Variants in ATP6V1A observed in about 807,000 individuals in gnomAD.
ATP6V1A encodes V-type proton ATPase catalytic subunit A.
Under a neutral mutation model 70.1 loss-of-function variants are expected in ATP6V1A, and 18 were observed. The observed-to-expected ratio is 0.26, with a 90% CI of 0.18 to 0.38. The LOEUF (loss-of-function observed/expected upper bound fraction) is 0.38, where lower values mean the gene tolerates loss of function less well. Among genes scored for constraint, ATP6V1A ranks in the 10% least tolerant of loss-of-function variants. The probability of loss-of-function intolerance (pLI) is 1.00; values close to 1 mark genes in which losing one functional copy is unlikely to be tolerated. For missense variants in ATP6V1A, 424 were observed against 772.4 expected (o/e 0.55, Z 5.35); for synonymous variants, 232 against 253.8 (o/e 0.91, Z 0.82).
chr3:113,798,537 C>A, intron 12 of ATP6V1A, 91 bp downstream of exon 12: 2 of 1,070,448 alleles, frequency 1.9e-6, no homozygotes, highest in Non-Finnish European at 2.6e-6. Context: ...CAGATTCTTG[C>A]CTAGCAAAAT....
chr3:113,786,179 G>A lies in ATP6V1A; in HGVS notation c.565-53G>A, dbSNP rs551802848. ...AGAATCGGGTTACTTTGATTTTGAA[G>A]GAAGAAATGTTCACAAATTTGACCA... On this transcript the variant is annotated intron_variant, in intron 5 of 14. Coordinates refer to ENST00000273398, the MANE Select transcript of ATP6V1A (RefSeq NM_001690.4). The A allele has an allele frequency of 5.3e-6, 8 of 1,497,946 alleles. 1 individual carries two copies. The Admixed American group carries it at 1.5e-4, about 28-fold the overall frequency. 92.8% of individuals were successfully genotyped at this position (1,497,946 alleles called of 1,614,324 possible). A position where few individuals can be genotyped will look rare whatever the true frequency, so the allele number is the denominator to read the frequency against.
At chr3:113,803,549 A>C (rs375780674) in intron 12 of ATP6V1A, 34 bp from the exon 13 acceptor site, 6 of 1,469,508 alleles carry the variant, frequency 4.1e-6, no homozygotes, top group Non-Finnish European at 5.7e-6. Flanking sequence ...TACATTTTAG[A>C]GTAAATGTCT....
At chr3:113,802,475 C>T (rs1188826127) in intron 12 of ATP6V1A, among the ~76,000 whole-genome samples, 3 of 151,722 alleles carry the variant, frequency 2.0e-5, no homozygotes, top group Admixed American at 6.6e-5. Flanking sequence ...GGACTACAGG[C>T]GCCCTACCAC....
At position 113,788,646 on chromosome 3, in the gene ATP6V1A, GC is replaced by G. The variant is rs1359346296; in HGVS notation, c.717-63del. On this transcript the variant is annotated intron_variant, in intron 6 of 14. Transcript: ENST00000273398. ...TTACAGGCGTGAGCCACCGCGCCCG[GC>G]CCCTACTTTATTTATTAATATCTAT... 5.3e-6 allele frequency: 8 copies of G among 1,518,976 alleles called. No homozygotes were observed. The East Asian group carries it at 9.2e-5, about 17-fold the overall frequency. The allele number at this position is 1,518,976 out of a possible 1,614,324, so 94.1% of individuals were successfully genotyped here.
At chr3:113,808,191 G>T (rs1709299906) in intron 14 of ATP6V1A, among the ~76,000 whole-genome samples, 1 of 150,876 alleles carries the variant, frequency 6.6e-6, no homozygotes, top group South Asian at 2.1e-4. Flanking sequence ...GGACAACCAT[G>T]TAGTTGTGTG....
chr3:113,754,907 C>T (rs13070720), intron 1 of ATP6V1A, among the ~76,000 whole-genome samples: 55,197 of 152,086 alleles, frequency 0.36, 10,088 homozygotes, highest in African/African-American at 0.41. Flanking sequence ...AAAGCCTAGA[C>T]AGAAAATAGC....
intron 1 of ATP6V1A, among the ~76,000 whole-genome samples, chr3:113,766,592 G>T (rs113680619): frequency 6.2e-4 from 94 of 152,260 alleles, no homozygotes; most frequent in African/African-American, 2.2e-3. Context: ...ACTGCATCCA[G>T]CTCAGAGATC....
intron 13 of ATP6V1A, among the ~76,000 whole-genome samples, chr3:113,804,828 G>A (rs553521067): frequency 6.6e-6 from 1 of 152,296 alleles, no homozygotes; most frequent in African/African-American, 2.4e-5. Context: ...ATTTGTTCAC[G>A]TGTCTGTTAT....
chr3:113,796,933 GT>G (rs910301727), intron 11 of ATP6V1A, among the ~76,000 whole-genome samples: 1 of 152,160 alleles, frequency 6.6e-6, no homozygotes, highest in Non-Finnish European at 1.5e-5. Flanking sequence ...ACACTTAGAT[GT>G]TTTTGTTTTG....
intron 1 of ATP6V1A, among the ~76,000 whole-genome samples, chr3:113,755,535 A>G (rs541347260): frequency 1.6e-4 from 25 of 152,156 alleles, no homozygotes; most frequent in African/African-American, 5.3e-4. Context: ...TGGGAGGCAG[A>G]GGTTGCAGTG....
At chr3:113,759,876 A>T (rs1708683233) in intron 1 of ATP6V1A, among the ~76,000 whole-genome samples, 1 of 152,182 alleles carries the variant, frequency 6.6e-6, no homozygotes, top group African/African-American at 2.4e-5. Context: ...ATTTTACTGG[A>T]TAATTGGGGT....
In ATP6V1A at chr3:113,798,228, GT is replaced by G. The variant is rs538710134; in HGVS notation, c.1291-7del. 2 of 1,610,078 alleles carry G rather than the reference GT, an allele frequency of 1.2e-6. No individual in the cohort carries two copies. Among genetic ancestry groups the G allele is most frequent in the Admixed American group, 1.7e-5 (1 of 59,888 alleles). On this transcript the variant is annotated splice_polypyrimidine_tract_variant and intron_variant, in intron 11 of 14. Coordinates refer to ENST00000273398, the MANE Select transcript of ATP6V1A (RefSeq NM_001690.4). ...GAAAAATTACTGTTTTTGTGTGTGT[GT>G]TTTTTTTAATCAGGTGTTCTGGGGC...
chr3:113,799,538 C>T (rs1709186606), intron 12 of ATP6V1A, among the ~76,000 whole-genome samples: 1 of 152,130 alleles, frequency 6.6e-6, no homozygotes, highest in South Asian at 2.1e-4. Context: ...CTAATCTCAT[C>T]ACTGTGTTCT....
intron 6 of ATP6V1A, 92 bp downstream of exon 6, chr3:113,786,475 T>G: frequency 7.6e-7 from 1 of 1,310,292 alleles, no homozygotes; most frequent in Non-Finnish European, 1.0e-6. Flanking sequence ...CTTATGTGTT[T>G]AACACTATAA....
At chr3:113,805,298 A>C in intron 13 of ATP6V1A, 56 bp from the exon 14 acceptor site, 4 of 1,527,288 alleles carry the variant, frequency 2.6e-6, no homozygotes, top group Non-Finnish European at 3.6e-6. Context: ...TATATAAAGT[A>C]TGAACCTGTT....
intron 2 of ATP6V1A, among the ~76,000 whole-genome samples, chr3:113,779,747 C>A (rs1708958132): frequency 6.6e-6 from 1 of 151,992 alleles, no homozygotes; most frequent in Non-Finnish European, 1.5e-5. Context: ...CAGACTAAAC[C>A]CAAGAACCTT....
chr3:113,800,329 A>C (rs1336804758), intron 12 of ATP6V1A, among the ~76,000 whole-genome samples: 1 of 152,180 alleles, frequency 6.6e-6, no homozygotes, highest in Non-Finnish European at 1.5e-5. Context: ...CACAACCTTA[A>C]ATAAGAATAG....
At chr3:113,787,484 T>C (rs1709050204) in intron 6 of ATP6V1A, among the ~76,000 whole-genome samples, 1 of 152,224 alleles carries the variant, frequency 6.6e-6, no homozygotes, top group South Asian at 2.1e-4. Flanking sequence ...CTGATGTCTA[T>C]TTTTGGCTTA....
intron 1 of ATP6V1A, among the ~76,000 whole-genome samples, chr3:113,760,258 C>G (rs557752597): frequency 1.2e-3 from 179 of 152,300 alleles, no homozygotes; most frequent in Middle Eastern, 3.4e-3. Context: ...CTATCTTAGG[C>G]AGCATTCTTT....
Sources: gnomAD v4.1 joint callset for allele counts (sites outside exome capture counted in the v4.1 genomes callset) on GRCh38, gnomAD v4.1.1 for gene constraint, MANE v1.5 for transcripts, NCBI Gene and HGNC (gene_info 2026-07-23, HGNC 2026-07-21) for gene names.